Variants in KAT6A observed in about 807,000 individuals in gnomAD.
The protein encoded by KAT6A is histone acetyltransferase KAT6A.
In KAT6A, 9 loss-of-function variants were observed where a neutral mutation model predicts 198.4. The ratio of observed to expected loss-of-function variants is 0.05; its 90% CI spans 0.03 to 0.08. KAT6A has a LOEUF of 0.08. KAT6A is among the 10% of genes least tolerant of loss of function. The pLI is 1.00. For synonymous variants in KAT6A, 890 were observed against 883.0 expected (o/e 1.01, Z -0.14); for missense variants, 2,077 against 2,509.9 (o/e 0.83, Z 3.69).
At position 42,038,463 on chromosome 8, in the gene KAT6A, T is replaced by C. The variant is rs144970208; in HGVS notation, c.600+9915A>G. On this transcript the variant is annotated intron_variant, in intron 2 of 16. Coordinates refer to ENST00000265713, the MANE Select transcript of KAT6A (RefSeq NM_006766.5). Reference sequence around the variant, plus strand: ...TCTAGACAAGGTTTATTCTATGGTTTCCATTAAGGAAGAGAATTCTAACTA... The same window carrying C: ...TCTAGACAAGGTTTATTCTATGGTTCCCATTAAGGAAGAGAATTCTAACTA... 1.1e-4 allele frequency among the ~76,000 whole-genome samples: 16 copies of C among 152,344 alleles called. No homozygotes were observed. The East Asian group carries it at 3.1e-3, about 29-fold the overall frequency.
intron 2 of KAT6A, among the ~76,000 whole-genome samples, chr8:42,040,613 T>C (rs1827609453): frequency 6.6e-6 from 1 of 150,720 alleles, no homozygotes; most frequent in South Asian, 2.1e-4. Context: ...CGGGTGCATG[T>C]AAACCCAGCT....
At chr8:42,030,215 A>T (rs1827034876) in intron 2 of KAT6A, among the ~76,000 whole-genome samples, 1 of 152,140 alleles carries the variant, frequency 6.6e-6, no homozygotes. Context: ...ATCAGGGCCC[A>T]TGAAGGCCAA....
chr8:42,008,038 GTCAGTATCTCATTACT>G (rs2150906662), intron 2 of KAT6A, among the ~76,000 whole-genome samples: 1 of 149,266 alleles, frequency 6.7e-6, no homozygotes, highest in East Asian at 2.0e-4. Context: ...ATTCCATATA[GTCAGTATCTCATTACT>G]TCATTTTATT....
At chr8:41,961,129 T>C (rs906104604) in intron 8 of KAT6A, among the ~76,000 whole-genome samples, 4 of 152,194 alleles carry the variant, frequency 2.6e-5, no homozygotes, top group African/African-American at 9.7e-5. Context: ...CCTCCAACAC[T>C]GCTTACTCCA....
intron 2 of KAT6A, among the ~76,000 whole-genome samples, chr8:41,992,352 T>C (rs1312599323): frequency 5.3e-5 from 8 of 151,978 alleles, no homozygotes; most frequent in African/African-American, 1.5e-4. Context: ...AGACAAAAGG[T>C]AGCTAAAAAG....
chr8:41,939,600 TTACCTC>T, intron 15 of KAT6A, among the ~76,000 whole-genome samples: 1 of 152,308 alleles, frequency 6.6e-6, no homozygotes, highest in East Asian at 1.9e-4. Context: ...GAATGGCACT[TTACCTC>T]TATGGTCTTC....
At chr8:41,948,118 C>T (rs1477692889) in intron 10 of KAT6A, among the ~76,000 whole-genome samples, 1 of 152,134 alleles carries the variant, frequency 6.6e-6, no homozygotes, top group Non-Finnish European at 1.5e-5. Flanking sequence ...TATATAAAAC[C>T]TCATACCTTC....
intron 2 of KAT6A, among the ~76,000 whole-genome samples, chr8:42,009,095 A>G (rs1040611935): frequency 6.6e-6 from 1 of 152,160 alleles, no homozygotes; most frequent in Non-Finnish European, 1.5e-5. Context: ...CACGCTCTCA[A>G]GTTTTAGTTT....
At chr8:41,942,544 A>G (rs1346843400) in intron 14 of KAT6A, 5 of 474,116 alleles carry the variant, frequency 1.1e-5, no homozygotes, top group Non-Finnish European at 1.9e-5. Flanking sequence ...CCCTGGTAAC[A>G]AATATTTTTC....
In KAT6A at chr8:41,932,594, C is replaced by T. The variant is rs1241987759; in HGVS notation, c.5626G>A (p.Gly1876Ser). ...ATGGCAACTGCCGATGGGCTACGGCCATACAGCTGCTGCTGGTGAGCAGCC... is the reference window on the plus strand; with the variant it reads ...ATGGCAACTGCCGATGGGCTACGGCTATACAGCTGCTGCTGGTGAGCAGCC... ...SAAAHQQQLYGRSPSAVAMQA... is the reference protein window; with the variant it reads ...SAAAHQQQLYSRSPSAVAMQA... The change falls in exon 17 of 17, where the codon GGC (glycine) becomes AGC (serine). Residue 1876 changes from glycine (G) to serine (S), a missense_variant. Transcript: ENST00000265713. 3.1e-6 allele frequency: 5 copies of T among 1,614,128 alleles called. No individual in the cohort carries two copies. Among genetic ancestry groups the T allele is most frequent in the South Asian group, 1.1e-5 (1 of 91,078 alleles).
In KAT6A at chr8:41,988,606, T is replaced by C. The variant is rs547783678; in HGVS notation, c.601-1043A>G. ...TTACAATGATCTGGTGAAGACAAGATGAGAACTTGAACCAAAGCTAAGGAA... is the reference window on the plus strand; with the variant it reads ...TTACAATGATCTGGTGAAGACAAGACGAGAACTTGAACCAAAGCTAAGGAA... On this transcript the variant is annotated intron_variant, in intron 2 of 16. Coordinates refer to ENST00000265713, the MANE Select transcript of KAT6A (RefSeq NM_006766.5). Among the ~76,000 whole-genome samples the C allele has an allele frequency of 3.5e-4, 53 of 152,278 alleles. 1 individual carries two copies. In the South Asian group the frequency reaches 0.01, roughly 30 times the overall value.
chr8:41,949,359 G>A lies in KAT6A; in HGVS notation c.1603C>T (p.Pro535Ser), dbSNP rs753999434. 6.2e-5 allele frequency: 95 copies of A among 1,522,354 alleles called. No individual in the cohort carries two copies. The highest frequency in any genetic ancestry group is 7.5e-5 in the Non-Finnish European group (85 of 1,139,986). 94.3% of individuals were successfully genotyped at this position (1,522,354 alleles called of 1,614,324 possible). A position where few individuals can be genotyped will look rare whatever the true frequency, so the allele number is the denominator to read the frequency against. Reference sequence around the variant, plus strand: ...CAAAATTCACAAAGATACAATTTGGGCAGCCTGTAAACGATAATTAAACAA... The same window carrying A: ...CAAAATTCACAAAGATACAATTTGGACAGCCTGTAAACGATAATTAAACAA... ...SPYPQEYSRL[P>S]KLYLCEFCLK... The change falls in exon 10 of 17, where the codon CCC becomes TCC. Residue 535 changes from proline to serine, a missense_variant. Around this residue, in one of 13 missense-constraint regions of KAT6A, gnomAD observed 46 missense variants for 88.2 expected, o/e 0.52. Coordinates refer to ENST00000265713, the MANE Select transcript of KAT6A (RefSeq NM_006766.5).
rs374379383 is a variant in KAT6A, at chr8:41,976,898, A to G, written c.1363+110T>C. 8 of 925,086 alleles carry G rather than the reference A, an allele frequency of 8.6e-6. No homozygotes were observed. In the African/African-American group the frequency reaches 1.0e-4, roughly 12 times the overall value. The allele number at this position is 925,086 out of a possible 1,614,324, so 57.3% of individuals were successfully genotyped here. On this transcript the variant is annotated intron_variant, in intron 7 of 16. Transcript: ENST00000265713. ...TTTTTTCAATGTGTTCTTATATTCT[A>G]TAACCAATTGTTAATAATCAAATAT...
At chr8:41,960,116 G>A (rs1480553067) in intron 8 of KAT6A, among the ~76,000 whole-genome samples, 1 of 140,848 alleles carries the variant, frequency 7.1e-6, no homozygotes, top group African/African-American at 2.5e-5. Flanking sequence ...AATAAAGGCA[G>A]AAGACAGAAT....
rs377516589 is a variant in KAT6A at position 41,989,566 on chromosome 8, A to G, written c.601-2003T>C. ...GTGACGTGACGTGACGTGACGTAAC[A>G]TAACATAACTAAAATAAAAAATAAA... On this transcript the variant is annotated intron_variant, in intron 2 of 16. Coordinates refer to ENST00000265713, the MANE Select transcript of KAT6A (RefSeq NM_006766.5). Among the ~76,000 whole-genome samples, 164 of 128,064 alleles carry G rather than the reference A, an allele frequency of 1.3e-3. 2 individuals are homozygous for G. The highest frequency in any genetic ancestry group is 3.3e-3 in the Admixed American group (42 of 12,872). 84.0% of individuals were successfully genotyped at this position (128,064 alleles called of 152,430 possible). A position where few individuals can be genotyped will look rare whatever the true frequency, so the allele number is the denominator to read the frequency against.
At chr8:42,026,730 T>C (rs1349970646) in intron 2 of KAT6A, among the ~76,000 whole-genome samples, 2 of 152,234 alleles carry the variant, frequency 1.3e-5, no homozygotes, top group Admixed American at 1.3e-4. Flanking sequence ...TCTGACTTCC[T>C]CTTTTCCAAT....
intron 8 of KAT6A, among the ~76,000 whole-genome samples, chr8:41,961,469 G>C (rs1184646799): frequency 1.3e-5 from 2 of 152,048 alleles, no homozygotes; most frequent in Non-Finnish European, 1.5e-5. Flanking sequence ...AGGGGGAGAG[G>C]GGTGTGTGGG....
At chr8:41,936,130 C>T (rs886485057) in intron 16 of KAT6A, among the ~76,000 whole-genome samples, 4 of 152,080 alleles carry the variant, frequency 2.6e-5, no homozygotes, top group African/African-American at 7.2e-5. Flanking sequence ...GGCATGGTGG[C>T]GTGCACCTAT....
chr8:41,974,487 T>C, intron 8 of KAT6A: 1 of 375,156 alleles, frequency 2.7e-6, no homozygotes, highest in Non-Finnish European at 4.7e-6. Flanking sequence ...TTATTTAATA[T>C]TGATAGTCAA....
Sources: allele counts gnomAD v4.1 joint callset (sites outside exome capture counted in the v4.1 genomes callset), GRCh38; gene constraint gnomAD v4.1.1; regional missense constraint gnomAD v4.1.1; transcripts MANE v1.5; gene names NCBI Gene and HGNC (gene_info 2026-07-23, HGNC 2026-07-21).